Variants in CDH4 observed in about 807,000 individuals in gnomAD.
The protein encoded by CDH4 is cadherin-4.
CDH4 carries 33 observed loss-of-function variants against 86.0 expected under a neutral mutation model. The observed-to-expected ratio is 0.38, with a 90% CI of 0.29 to 0.51. The LOEUF is 0.51. Ranked by LOEUF, CDH4 falls within the 20% of genes least tolerant of loss-of-function variation. CDH4 has a pLI of 0.86. For synonymous variants in CDH4, 555 were observed against 549.4 expected, an observed-to-expected ratio of 1.01 and a Z score of -0.14; for missense variants, 1,114 against 1,307.4, an observed-to-expected ratio of 0.85 and a Z score of 2.28.
chr20:61,363,143 C>T (rs925103759), intron 2 of CDH4, among the ~76,000 whole-genome samples: 30 of 152,252 alleles, frequency 2.0e-4, no homozygotes, highest in African/African-American at 6.7e-4. Flanking sequence ...GGACAGCTGC[C>T]GGCAGGTTTG....
intron 2 of CDH4, among the ~76,000 whole-genome samples, chr20:61,444,412 T>C (rs1568847429): frequency 6.8e-6 from 1 of 147,420 alleles, no homozygotes; most frequent in African/African-American, 2.5e-5. Context: ...TTTGTGTGTA[T>C]CTGTATATAT....
At chr20:61,539,445 T>C (rs2086022791) in intron 2 of CDH4, among the ~76,000 whole-genome samples, 1 of 152,228 alleles carries the variant, frequency 6.6e-6, no homozygotes, top group African/African-American at 2.4e-5. Flanking sequence ...AGATGCCATC[T>C]TCTCCCTGTG....
intron 2 of CDH4, among the ~76,000 whole-genome samples, chr20:61,262,397 C>T (rs910534972): frequency 1.3e-5 from 2 of 152,098 alleles, no homozygotes; most frequent in African/African-American, 2.4e-5. Flanking sequence ...CGTGGGTTCC[C>T]GTTTTCTGCC....
chr20:61,381,357 G>A (rs1217003068), intron 2 of CDH4, among the ~76,000 whole-genome samples: 1 of 152,216 alleles, frequency 6.6e-6, no homozygotes, highest in East Asian at 1.9e-4. Flanking sequence ...AGTAAGTGCA[G>A]AAAATCATAG....
At chr20:61,274,583 GTACT>G (rs1600824405) in intron 2 of CDH4, among the ~76,000 whole-genome samples, 1 of 25,500 alleles carries the variant, frequency 3.9e-5, no homozygotes. Flanking sequence ...GCTTGGGGGA[GTACT>G]GTGTGCAGCT....
In CDH4 at chr20:61,703,971, C is replaced by A. The variant is rs940630917; in HGVS notation, c.170-39592C>A. On this transcript the variant is annotated intron_variant, in intron 2 of 15. Coordinates refer to ENST00000614565, the MANE Select transcript of CDH4 (RefSeq NM_001794.5). This position sits in a 1 kb window ranked among gnomAD's most constrained non-coding sequence, Gnocchi z 4.3. The stretch of plus-strand genomic sequence containing the variant: ...AGGGGTGTGGTTGGGATGAGGGTGG[C>A]AGAGTCACAGCCGCTGGGAGTGGCC... 1.3e-5 allele frequency among the ~76,000 whole-genome samples: 2 copies of A among 151,966 alleles called. No homozygotes were observed. Among genetic ancestry groups the A allele is most frequent in the Non-Finnish European group, 2.9e-5 (2 of 67,988 alleles).
chr20:61,790,012 G>C (rs564065776), intron 4 of CDH4, among the ~76,000 whole-genome samples: 6 of 152,144 alleles, frequency 3.9e-5, no homozygotes, highest in Non-Finnish European at 8.8e-5. Context: ...GGGGTGAACA[G>C]TATATCCACA....
intron 4 of CDH4, among the ~76,000 whole-genome samples, chr20:61,806,568 C>T (rs982562313): frequency 5.3e-5 from 6 of 112,316 alleles, no homozygotes; most frequent in Admixed American, 2.6e-4. Flanking sequence ...CACATGTCCA[C>T]GCGCACGCAC....
At chr20:61,824,025 T>C (rs1981191453) in intron 4 of CDH4, among the ~76,000 whole-genome samples, 1 of 152,244 alleles carries the variant, frequency 6.6e-6, no homozygotes, top group Non-Finnish European at 1.5e-5. Context: ...TGTTTGCCAC[T>C]GTTAAACACG....
chr20:61,624,479 C>T (rs1316479405), intron 2 of CDH4, among the ~76,000 whole-genome samples: 3 of 152,164 alleles, frequency 2.0e-5, no homozygotes. Context: ...TGGCTTTCTC[C>T]CTTCCCCAGC....
chr20:61,802,741 C>T (rs373154445), intron 4 of CDH4, among the ~76,000 whole-genome samples: 1 of 152,212 alleles, frequency 6.6e-6, no homozygotes, highest in African/African-American at 2.4e-5. Flanking sequence ...AAACAGGTGC[C>T]ACCTGGGCCT....
chr20:61,822,665 A>G (rs796382295), intron 4 of CDH4, among the ~76,000 whole-genome samples: 2 of 152,294 alleles, frequency 1.3e-5, no homozygotes, highest in African/African-American at 4.8e-5. Flanking sequence ...CTGCTTCCCC[A>G]TGGAGCATCT....
At chr20:61,726,845 CCATCACTGCCATCATCAT>C (rs2088119057) in intron 2 of CDH4, among the ~76,000 whole-genome samples, 2 of 53,018 alleles carry the variant, frequency 3.8e-5, no homozygotes, top group South Asian at 9.9e-4. Flanking sequence ...GCCATCATCA[CCATCACTGCCATCATCAT>C]CACCATCGGA....
chr20:61,872,247 A>G (rs930865300), intron 6 of CDH4, among the ~76,000 whole-genome samples: 33 of 152,182 alleles, frequency 2.2e-4, no homozygotes, highest in South Asian at 2.1e-4. Flanking sequence ...CTGTAATCCC[A>G]CAGAGGACAT....
At chr20:61,665,678 A>C (rs76868554) in intron 2 of CDH4, among the ~76,000 whole-genome samples, 2,712 of 152,262 alleles carry the variant, frequency 0.018, 30 homozygotes, top group Non-Finnish European at 0.028. Context: ...ATGTTTATTC[A>C]TTTTTGATGA....
chr20:61,417,484 T>C lies in CDH4; in HGVS notation c.169+162547T>C, dbSNP rs2085153284. Among the ~76,000 whole-genome samples, 1 of 152,148 alleles carries C rather than the reference T, an allele frequency of 6.6e-6. No individual in the cohort carries two copies. Among genetic ancestry groups the C allele is most frequent in the African/African-American group, 2.4e-5 (1 of 41,434 alleles). ...ATATCACCCACGTGAGCCAGCACCG[T>C]TGGGTCCGGAGTTGGGAGTTGGGAA... is the stretch of plus-strand genomic sequence containing the variant. On this transcript the variant is annotated intron_variant, in intron 2 of 15. Coordinates refer to ENST00000614565, the MANE Select transcript of CDH4 (RefSeq NM_001794.5). This position sits in a 1 kb window ranked among gnomAD's most constrained non-coding sequence, Gnocchi z 4.0.
chr20:61,853,025 C>T, intron 6 of CDH4, 127 bp downstream of exon 6: 1 of 963,734 alleles, frequency 1.0e-6, no homozygotes, highest in Non-Finnish European at 1.5e-6. Context: ...TGGGCGCAGA[C>T]ACACAGCATG....
At chr20:61,555,817 C>T (rs2086173086) in intron 2 of CDH4, among the ~76,000 whole-genome samples, 1 of 152,210 alleles carries the variant, frequency 6.6e-6, no homozygotes, top group South Asian at 2.1e-4. Flanking sequence ...TTTAAGGAGT[C>T]ATCAGTATTG....
chr20:61,682,875 C>T (rs553435804), intron 2 of CDH4, among the ~76,000 whole-genome samples: 1 of 151,718 alleles, frequency 6.6e-6, no homozygotes, highest in African/African-American at 2.4e-5. Flanking sequence ...TACCCGTAAG[C>T]AAATCCCCTG....
Sources: gnomAD v4.1 joint callset for allele counts (sites outside exome capture counted in the v4.1 genomes callset) on GRCh38, gnomAD v4.1.1 for gene constraint, Gnocchi (gnomAD v3.1) non-coding constraint, MANE v1.5 for transcripts, NCBI Gene and HGNC (gene_info 2026-07-23, HGNC 2026-07-21) for gene names.